The following DERA variants were observed in gnomAD, a reference collection of about 807,000 sequenced individuals.
DERA encodes 2-deoxy-D-ribose 5-phosphate aldolase.
Under a neutral mutation model 41.1 loss-of-function variants are expected in DERA, and 15 were observed. The observed-to-expected ratio is 0.37, with a 90% confidence interval of 0.24 to 0.56. The LOEUF (loss-of-function observed/expected upper bound fraction) is 0.56, where lower values mean the gene tolerates loss of function less well. Among genes scored for constraint, DERA ranks in the 20% least tolerant of loss-of-function variants. The pLI is 0.81. For synonymous variants in DERA, 139 were observed against 137.4 expected (o/e 1.01, Z -0.08); for missense variants, 396 against 403.4 (o/e 0.98, Z 0.16).
chr12:16,024,519 C>T (rs1286971407), intron 6 of DERA, among the ~76,000 whole-genome samples: 2 of 152,072 alleles, frequency 1.3e-5, no homozygotes, highest in Non-Finnish European at 2.9e-5. Context: ...AAAGCAAAAA[C>T]AAAAACCCAA....
intron 6 of DERA, among the ~76,000 whole-genome samples, chr12:16,002,797 T>G (rs901728375): frequency 6.6e-6 from 1 of 152,208 alleles, no homozygotes; most frequent in Admixed American, 6.5e-5. Flanking sequence ...CCTAAAAATG[T>G]TGATCTCTTA....
Position 15,993,257 on chromosome 12 carries a change from A to G in DERA, c.637+10821A>G, listed in dbSNP as rs1278416343. 7.4e-6 allele frequency among the ~76,000 whole-genome samples: 1 copy of G among 134,400 alleles called. No homozygotes were observed. Among genetic ancestry groups the G allele is most frequent in the African/African-American group, 4.0e-5 (1 of 25,222 alleles). 88.2% of individuals were successfully genotyped at this position (134,400 alleles called of 152,430 possible). A position where few individuals can be genotyped will look rare whatever the true frequency, so the allele number is the denominator to read the frequency against. On this transcript the variant is annotated intron_variant, in intron 6 of 8. Transcript: ENST00000428559. The surrounding 1 kb of genome is among the most constrained non-coding windows in gnomAD (Gnocchi z 4.4). Reference sequence around the variant, plus strand: ...TATGACTGAATGAAACCAAAACACTAAAAAAATGTGGTGATTAATAGGAAA... The same window carrying G: ...TATGACTGAATGAAACCAAAACACTGAAAAAATGTGGTGATTAATAGGAAA...
chr12:15,952,466 G>C (rs562407614), intron 1 of DERA, among the ~76,000 whole-genome samples: 72 of 152,192 alleles, frequency 4.7e-4, no homozygotes, highest in African/African-American at 1.5e-3. Context: ...GTCTAGACTA[G>C]AGCCTAGAGC....
chr12:15,986,715 A>G (rs1002521310), intron 6 of DERA, among the ~76,000 whole-genome samples: 5 of 152,200 alleles, frequency 3.3e-5, no homozygotes, highest in African/African-American at 1.2e-4. Flanking sequence ...TTTTGAGGAC[A>G]TTAACAAAGA....
At chr12:15,934,935 A>G (rs1948354329) in intron 1 of DERA, among the ~76,000 whole-genome samples, 1 of 152,192 alleles carries the variant, frequency 6.6e-6, no homozygotes, top group African/African-American at 2.4e-5. Context: ...TCATAGGTTT[A>G]AACATATTAA....
chr12:16,034,624 C>T (rs932872849), intron 7 of DERA, among the ~76,000 whole-genome samples: 2 of 152,122 alleles, frequency 1.3e-5, no homozygotes, highest in African/African-American at 2.4e-5. Context: ...AAAGTTTCTA[C>T]GTCATTGATT....
chr12:15,991,816 A>G (rs1267768873), intron 6 of DERA, among the ~76,000 whole-genome samples: 4 of 152,066 alleles, frequency 2.6e-5, no homozygotes, highest in East Asian at 1.9e-4. Flanking sequence ...TTTGTTCTAT[A>G]TGGTCATTAT....
At chr12:15,927,704 C>T (rs1032414030) in intron 1 of DERA, among the ~76,000 whole-genome samples, 4 of 152,062 alleles carry the variant, frequency 2.6e-5, no homozygotes, top group African/African-American at 4.8e-5. Context: ...TATGTGGTTC[C>T]GGAGATTGCA....
intron 4 of DERA, among the ~76,000 whole-genome samples, chr12:15,961,567 T>C (rs1948587986): frequency 6.6e-6 from 1 of 152,154 alleles, no homozygotes; most frequent in African/African-American, 2.4e-5. Flanking sequence ...ATTAGGAATA[T>C]ATTAAAAGAA....
rs539931246 is a variant in DERA, at chr12:15,959,189, T to C, written c.278-640T>C. ...TTGAAAAGTATTTATTATGTTTATT[T>C]CGTGTTGGCCATAAAAATATCACCT... is the stretch of plus-strand genomic sequence containing the variant. On this transcript the variant is annotated intron_variant, in intron 3 of 8. Transcript: ENST00000428559. This position sits in a 1 kb window ranked among gnomAD's most constrained non-coding sequence, Gnocchi z 4.5. 3.9e-5 allele frequency among the ~76,000 whole-genome samples: 6 copies of C among 152,326 alleles called. No homozygotes were observed. The South Asian group carries it at 6.2e-4, about 16-fold the overall frequency.
chr12:16,034,884 G>A (rs1243019748), intron 7 of DERA, among the ~76,000 whole-genome samples: 1 of 152,164 alleles, frequency 6.6e-6, no homozygotes, highest in Non-Finnish European at 1.5e-5. Flanking sequence ...TGATTAACAT[G>A]TATGCTAATA....
rs1021025760 is a variant in DERA, at chr12:15,976,603, G to C, written c.509-5705G>C. Among the ~76,000 whole-genome samples, 3 of 152,140 alleles carry C rather than the reference G, an allele frequency of 2.0e-5. No homozygotes were observed. The highest frequency in any genetic ancestry group is 2.9e-5 in the Non-Finnish European group (2 of 68,030). ...AATCATCTTTCTAAATCAACAAGAG[G>C]CTCTTTCATCTTAATTATAACAGCT... On this transcript the variant is annotated intron_variant, in intron 5 of 8. Coordinates refer to ENST00000428559, the MANE Select transcript of DERA (RefSeq NM_015954.4). The surrounding 1 kb of genome is among the most constrained non-coding windows in gnomAD (Gnocchi z 4.1).
At position 15,993,833 on chromosome 12, in the gene DERA, T is replaced by C. The variant is rs958146657; in HGVS notation, c.637+11397T>C. On this transcript the variant is annotated intron_variant, in intron 6 of 8. Coordinates refer to ENST00000428559, the MANE Select transcript of DERA (RefSeq NM_015954.4). This position sits in a 1 kb window ranked among gnomAD's most constrained non-coding sequence, Gnocchi z 4.4. ...AGAGCTCTGTAGAGGAAAGAAGTTATCGTATTTTCTGGCTTCCCAGCAATG... is the reference window on the plus strand; with the variant it reads ...AGAGCTCTGTAGAGGAAAGAAGTTACCGTATTTTCTGGCTTCCCAGCAATG... Among the ~76,000 whole-genome samples the C allele has an allele frequency of 2.6e-5, 4 of 152,306 alleles. No homozygotes were observed. Among genetic ancestry groups the C allele is most frequent in the Admixed American group, 6.5e-5 (1 of 15,302 alleles).
At chr12:15,948,867 A>G (rs1405362298) in intron 1 of DERA, among the ~76,000 whole-genome samples, 1 of 152,082 alleles carries the variant, frequency 6.6e-6, no homozygotes, top group Non-Finnish European at 1.5e-5. Flanking sequence ...TGACGTACAG[A>G]TGGGGTTTTG....
rs952575569 is a variant in DERA at position 16,017,590 on chromosome 12, G to A, written c.638-14952G>A. ...ATGTACTCTGGCCAGTGCTTCAACC[G>A]TAACACTGCATCTTTATTATATTGC... On this transcript the variant is annotated intron_variant, in intron 6 of 8. Transcript: ENST00000428559. The surrounding 1 kb of genome is among the most constrained non-coding windows in gnomAD (Gnocchi z 5.5). 2.6e-4 allele frequency among the ~76,000 whole-genome samples: 40 copies of A among 152,236 alleles called. No homozygotes were observed. Among genetic ancestry groups the A allele is most frequent in the Non-Finnish European group, 4.4e-4 (30 of 68,010 alleles).
rs1352987041 is a variant in DERA, at chr12:15,970,698, C to CT, written c.508+7755dup. Among the ~76,000 whole-genome samples, 4 of 152,110 alleles carry CT rather than the reference C, an allele frequency of 2.6e-5. No individual in the cohort carries two copies. Among genetic ancestry groups the CT allele is most frequent in the Admixed American group, 6.5e-5 (1 of 15,280 alleles). On this transcript the variant is annotated intron_variant, in intron 5 of 8. Transcript: ENST00000428559. The surrounding 1 kb of genome is among the most constrained non-coding windows in gnomAD (Gnocchi z 4.3). ...CACCCACATTTCCAACTCCATCTCT[C>CT]TTTTCAGACTGTTCAAGATGTACAC...
rs1948792227 is a variant in DERA at position 15,990,148 on chromosome 12, T to TC, written c.637+7713dup. Among the ~76,000 whole-genome samples the TC allele has an allele frequency of 6.6e-6, 1 of 152,210 alleles. No individual in the cohort carries two copies. ...GGAAACATAATGAAATCTTTTTTTT[T>TC]CTATACTCTTTCAAGGCATTATTTA... On this transcript the variant is annotated intron_variant, in intron 6 of 8. Transcript: ENST00000428559. The surrounding 1 kb of genome is among the most constrained non-coding windows in gnomAD (Gnocchi z 4.3).
chr12:15,959,952 AT>A lies in DERA; in HGVS notation c.373+34del. ...AAAATGTGTTGTGGCTTTTGTTGTTATTTTTTAAACATGTTTCCAGTTCTTC... is the reference window on the plus strand; with the variant it reads ...AAAATGTGTTGTGGCTTTTGTTGTTATTTTTAAACATGTTTCCAGTTCTTC... On this transcript the variant is annotated intron_variant, in intron 4 of 8. Transcript: ENST00000428559. The surrounding 1 kb of genome is among the most constrained non-coding windows in gnomAD (Gnocchi z 4.5). 6.7e-7 allele frequency: 1 copy of A among 1,498,704 alleles called. No individual in the cohort carries two copies. Among genetic ancestry groups the A allele is most frequent in the Non-Finnish European group, 9.1e-7 (1 of 1,103,550 alleles). The allele number at this position is 1,498,704 out of a possible 1,614,324, so 92.8% of individuals were successfully genotyped here. A position where few individuals can be genotyped will look rare whatever the true frequency, so the allele number is the denominator to read the frequency against.
intron 5 of DERA, among the ~76,000 whole-genome samples, chr12:15,979,105 T>C (rs1252494767): frequency 6.6e-6 from 1 of 152,208 alleles, no homozygotes; most frequent in Non-Finnish European, 1.5e-5. Flanking sequence ...TCAGTAAATA[T>C]TCATGAGTTG....
Sources: gnomAD v4.1 joint callset for allele counts (sites outside exome capture counted in the v4.1 genomes callset) on GRCh38, gnomAD v4.1.1 for gene constraint, Gnocchi (gnomAD v3.1) non-coding constraint, MANE v1.5 for transcripts, NCBI Gene and HGNC (gene_info 2026-07-23, HGNC 2026-07-21) for gene names.